Variants in DLG2 observed in about 807,000 individuals in gnomAD.
The protein encoded by DLG2 is disks large homolog 2.
DLG2 carries 45 observed loss-of-function variants against 132.5 expected under a neutral mutation model. The ratio of observed to expected loss-of-function variants is 0.34; its 90% CI spans 0.27 to 0.44. The LOEUF (loss-of-function observed/expected upper bound fraction) is 0.44, where lower values mean the gene tolerates loss of function less well. Among genes scored for constraint, DLG2 ranks in the 20% least tolerant of loss-of-function variants. DLG2 has a pLI of 1.00. For synonymous variants in DLG2, 424 were observed against 419.6 expected, an observed-to-expected ratio of 1.01 and a Z score of -0.13; for missense variants, 1,045 against 1,196.9, an observed-to-expected ratio of 0.87 and a Z score of 1.87.
At chr11:83,924,615 C>T (rs940721990) in intron 15 of DLG2, among the ~76,000 whole-genome samples, 4 of 152,114 alleles carry the variant, frequency 2.6e-5, no homozygotes, top group African/African-American at 9.7e-5. Context: ...ACTGGACTCG[C>T]TATTAAGCTA....
intron 6 of DLG2, among the ~76,000 whole-genome samples, chr11:84,991,067 A>G (rs562450176): frequency 8.9e-4 from 136 of 152,354 alleles, no homozygotes; most frequent in Non-Finnish European, 1.5e-3. Context: ...ACAATCAACA[A>G]ATTACCAGAT....
At chr11:84,796,818 G>T (rs1026869034) in intron 6 of DLG2, among the ~76,000 whole-genome samples, 1 of 149,508 alleles carries the variant, frequency 6.7e-6, no homozygotes, top group African/African-American at 2.5e-5. Flanking sequence ...TTGTTTTTAT[G>T]ATTTTTTATT....
At chr11:84,257,976 C>T (rs541210348) in intron 7 of DLG2, among the ~76,000 whole-genome samples, 266 of 152,158 alleles carry the variant, frequency 1.7e-3, no homozygotes, top group Middle Eastern at 3.4e-3. Flanking sequence ...TGTGGGCCAC[C>T]GCACCCAGCC....
intron 6 of DLG2, among the ~76,000 whole-genome samples, chr11:84,978,470 A>G (rs963693596): frequency 2.0e-5 from 3 of 152,196 alleles, no homozygotes; most frequent in Non-Finnish European, 1.5e-5. Flanking sequence ...GACATAGACC[A>G]ATGGAACAGA....
chr11:84,137,234 T>C (rs1218890932), intron 9 of DLG2, among the ~76,000 whole-genome samples: 1 of 152,194 alleles, frequency 6.6e-6, no homozygotes, highest in Non-Finnish European at 1.5e-5. Context: ...GTTTTGAAAC[T>C]ATGCAGCTTT....
In DLG2 at chr11:84,938,841, T is replaced by G. The variant is rs141494458; in HGVS notation, c.357+172820A>C. Among the ~76,000 whole-genome samples the G allele has an allele frequency of 6.4e-3, 980 of 152,302 alleles. 9 individuals carry two copies. Among genetic ancestry groups the G allele is most frequent in the African/African-American group, 0.022 (922 of 41,556 alleles). The stretch of plus-strand genomic sequence containing the variant: ...CATCTTATATAAGAACATTTGATTA[T>G]GGGAAATTTATCTAAAATATAGATA... On this transcript the variant is annotated intron_variant, in intron 6 of 27. Coordinates refer to ENST00000376104, the MANE Select transcript of DLG2 (RefSeq NM_001142699.3).
intron 16 of DLG2, among the ~76,000 whole-genome samples, chr11:83,842,818 A>G (rs1185513782): frequency 1.6e-5 from 2 of 126,278 alleles, no homozygotes; most frequent in South Asian, 5.1e-4. Flanking sequence ...TCTGTCTCCA[A>G]AAAAAAAAAA....
chr11:85,559,944 T>G (rs2077146375), intron 3 of DLG2, among the ~76,000 whole-genome samples: 1 of 151,348 alleles, frequency 6.6e-6, no homozygotes, highest in Non-Finnish European at 1.5e-5. Flanking sequence ...CTCAAGAAAA[T>G]AAAGGATAAA....
chr11:84,906,492 C>T (rs1306218027), intron 6 of DLG2, among the ~76,000 whole-genome samples: 2 of 151,386 alleles, frequency 1.3e-5, no homozygotes, highest in African/African-American at 4.9e-5. Flanking sequence ...CAAATAAAAA[C>T]ATATGAGACA....
At chr11:84,334,229 CA>C (rs1164585574) in intron 7 of DLG2, among the ~76,000 whole-genome samples, 7 of 152,156 alleles carry the variant, frequency 4.6e-5, no homozygotes, top group Non-Finnish European at 8.8e-5. Context: ...AAGCTATTGT[CA>C]AAATGTTGAA....
intron 17 of DLG2, among the ~76,000 whole-genome samples, chr11:83,799,351 G>T (rs1276685333): frequency 6.6e-6 from 1 of 152,200 alleles, no homozygotes; most frequent in African/African-American, 2.4e-5. Context: ...CTGTGTTTAT[G>T]GGAGAACAAC....
At chr11:84,336,350 C>G (rs2098484573) in intron 7 of DLG2, among the ~76,000 whole-genome samples, 1 of 152,146 alleles carries the variant, frequency 6.6e-6, no homozygotes, top group Non-Finnish European at 1.5e-5. Context: ...TACTGCAAGC[C>G]CAGTGTCTTT....
chr11:83,815,087 A>G (rs1316252636), intron 17 of DLG2: 1 of 152,896 alleles, frequency 6.5e-6, no homozygotes, highest in Non-Finnish European at 1.5e-5. Context: ...ATTAGACATC[A>G]TTAATTTAAC....
intron 4 of DLG2, among the ~76,000 whole-genome samples, chr11:85,171,703 C>T (rs1051789488): frequency 2.0e-5 from 3 of 152,176 alleles, no homozygotes; most frequent in African/African-American, 7.2e-5. Context: ...TGGAGACTGC[C>T]TGAAACAGAC....
chr11:84,350,202 A>G (rs866021183), intron 7 of DLG2, among the ~76,000 whole-genome samples: 2 of 147,870 alleles, frequency 1.4e-5, no homozygotes, highest in South Asian at 4.6e-4. Flanking sequence ...AAAAAAAAAA[A>G]TCCAGGCTAA....
At chr11:83,597,678 A>T (rs1173293475) in intron 19 of DLG2, among the ~76,000 whole-genome samples, 1 of 151,584 alleles carries the variant, frequency 6.6e-6, no homozygotes, top group Non-Finnish European at 1.5e-5. Flanking sequence ...CTAGCTACTC[A>T]GGAGGCTGAG....
chr11:84,769,780 T>G (rs577666198), intron 6 of DLG2, among the ~76,000 whole-genome samples: 2 of 152,320 alleles, frequency 1.3e-5, no homozygotes, highest in Admixed American at 6.5e-5. Context: ...AATGGTGGAT[T>G]TCTCACCAGA....
At chr11:83,813,376 T>C (rs534579029) in intron 17 of DLG2, among the ~76,000 whole-genome samples, 39 of 152,290 alleles carry the variant, frequency 2.6e-4, no homozygotes, top group Admixed American at 2.0e-3. Flanking sequence ...AGATTGTTTA[T>C]AGGATCCTCT....
chr11:84,035,454 G>A (rs1248008833), intron 11 of DLG2, among the ~76,000 whole-genome samples: 1 of 152,184 alleles, frequency 6.6e-6, no homozygotes, highest in Non-Finnish European at 1.5e-5. Context: ...CACATGAAAA[G>A]TGTGTTACAG....
Sources: gnomAD v4.1 joint callset for allele counts (sites outside exome capture counted in the v4.1 genomes callset) on GRCh38, gnomAD v4.1.1 for gene constraint, MANE v1.5 for transcripts, NCBI Gene and HGNC (gene_info 2026-07-23, HGNC 2026-07-21) for gene names.